EYS: variants seen among roughly 807,000 people sequenced by gnomAD.
EYS encodes EGF-like photoreceptor maintenance factor, also known as protein eyes shut homolog.
A neutral mutation model predicts 282.1 loss-of-function variants in EYS; 250 were observed. The observed-to-expected ratio is 0.89, with a 90% confidence interval of 0.80 to 0.98. The LOEUF (loss-of-function observed/expected upper bound fraction) is 0.98. EYS is among the 50% of genes least tolerant of loss of function. EYS has a pLI of 0.00. For missense variants in EYS, 4,016 were observed against 3,709.0 expected (o/e 1.08, Z -2.15); for synonymous variants, 1,355 against 1,282.9 (o/e 1.06, Z -1.20).
chr6:64,751,720 T>C (rs932182066), intron 22 of EYS, among the ~76,000 whole-genome samples: 5 of 152,160 alleles, frequency 3.3e-5, no homozygotes, highest in African/African-American at 7.2e-5. Flanking sequence ...CACAACCTAA[T>C]AGAAAATCTG....
At chr6:64,710,743 C>T (rs1288595905) in intron 22 of EYS, among the ~76,000 whole-genome samples, 1 of 152,210 alleles carries the variant, frequency 6.6e-6, no homozygotes. Context: ...CTCACTTGCT[C>T]AAAGAGTGCT....
intron 40 of EYS, among the ~76,000 whole-genome samples, chr6:63,768,892 T>C (rs919356358): frequency 6.6e-6 from 1 of 152,132 alleles, no homozygotes; most frequent in East Asian, 1.9e-4. Context: ...TACACAGCCA[T>C]TGAAAAAATG....
intron 12 of EYS, among the ~76,000 whole-genome samples, chr6:65,231,085 G>GTATATATATACTTTTATATATATGTATT (rs1562037843): frequency 1.5e-4 from 14 of 91,528 alleles, no homozygotes; most frequent in African/African-American, 4.1e-4. Flanking sequence ...ATATATATGT[G>GTATATATATACTTTTATATATATGTATT]TATATATATA....
chr6:65,346,363 A>G (rs1183070491), intron 9 of EYS, among the ~76,000 whole-genome samples: 2 of 151,402 alleles, frequency 1.3e-5, no homozygotes, highest in East Asian at 3.9e-4. Flanking sequence ...AAACAAAACT[A>G]TAACATTTTT....
intron 8 of EYS, among the ~76,000 whole-genome samples, chr6:65,370,598 A>G (rs995719472): frequency 1.3e-5 from 2 of 151,476 alleles, no homozygotes; most frequent in Non-Finnish European, 2.9e-5. Context: ...CATAATGCAA[A>G]TTTTTTTTAT....
At chr6:65,523,314 A>G (rs920517266) in intron 2 of EYS, among the ~76,000 whole-genome samples, 12 of 152,192 alleles carry the variant, frequency 7.9e-5, no homozygotes, top group African/African-American at 2.7e-4. Context: ...ACACAAACAT[A>G]GAGAGACAGA....
intron 13 of EYS, among the ~76,000 whole-genome samples, chr6:65,025,795 G>C (rs773725616): frequency 6.6e-6 from 1 of 152,160 alleles, no homozygotes; most frequent in South Asian, 2.1e-4. Context: ...ACAGATGTCT[G>C]TCAGTGAGAG....
At chr6:63,971,976 C>G (rs1226102341) in intron 35 of EYS, among the ~76,000 whole-genome samples, 2 of 152,148 alleles carry the variant, frequency 1.3e-5, no homozygotes, top group Admixed American at 1.3e-4. Flanking sequence ...GTACAGTCTT[C>G]CACTATAGAA....
At chr6:65,483,160 TATA>T (rs1252647074) in intron 5 of EYS, among the ~76,000 whole-genome samples, 3 of 152,126 alleles carry the variant, frequency 2.0e-5, no homozygotes, top group Admixed American at 2.0e-4. Flanking sequence ...ATTTTACTTT[TATA>T]ATGTTTGAAA....
chr6:64,340,219 T>G (rs1325913628), intron 29 of EYS, among the ~76,000 whole-genome samples: 1 of 146,162 alleles, frequency 6.8e-6, no homozygotes, highest in Admixed American at 6.8e-5. Flanking sequence ...AGAAAAAGAG[T>G]ATTCTAAAAT....
At chr6:65,233,620 A>G (rs73441388) in intron 12 of EYS, among the ~76,000 whole-genome samples, 4,951 of 152,208 alleles carry the variant, frequency 0.033, 109 homozygotes, top group African/African-American at 0.057. Flanking sequence ...TCAGTCTCAC[A>G]TTCAACAGAC....
chr6:63,781,707 T>G (rs912564235), intron 39 of EYS, among the ~76,000 whole-genome samples: 2 of 152,218 alleles, frequency 1.3e-5, no homozygotes, highest in African/African-American at 2.4e-5. Context: ...AGGGACAATC[T>G]TACTTCCTCT....
chr6:64,923,440 T>C (rs1768417300), intron 15 of EYS, among the ~76,000 whole-genome samples: 1 of 152,136 alleles, frequency 6.6e-6, no homozygotes, highest in Non-Finnish European at 1.5e-5. Context: ...GATGGGGATA[T>C]AGTCAAACCA....
intron 21 of EYS, among the ~76,000 whole-genome samples, chr6:64,817,084 G>T (rs1764760141): frequency 6.6e-6 from 1 of 151,898 alleles, no homozygotes; most frequent in African/African-American, 2.4e-5. Flanking sequence ...TTATTTTAAA[G>T]ATTTGTTTCT....
At chr6:65,373,809 T>C (rs1765253384) in intron 8 of EYS, among the ~76,000 whole-genome samples, 1 of 152,148 alleles carries the variant, frequency 6.6e-6, no homozygotes, top group Non-Finnish European at 1.5e-5. Context: ...GCATGTTTTA[T>C]ATAATCTTTT....
intron 41 of EYS, among the ~76,000 whole-genome samples, chr6:63,753,920 C>T (rs1444004038): frequency 3.3e-5 from 5 of 152,144 alleles, no homozygotes; most frequent in Non-Finnish European, 5.9e-5. Context: ...CTATCTCCTT[C>T]TCTCATGAGT....
chr6:65,360,713 C>T (rs7755661), intron 8 of EYS, among the ~76,000 whole-genome samples: 102,501 of 152,040 alleles, frequency 0.67, 34,649 homozygotes, highest in South Asian at 0.71. Context: ...TAAAAAGAGA[C>T]AAAAAGTTTA....
chr6:65,541,019 T>C (rs1026615820), intron 2 of EYS, among the ~76,000 whole-genome samples: 5 of 152,202 alleles, frequency 3.3e-5, no homozygotes, highest in African/African-American at 1.2e-4. Context: ...ATTTATTCCT[T>C]CATTTTAGTA....
intron 14 of EYS, among the ~76,000 whole-genome samples, chr6:64,993,873 T>C (rs1771160788): frequency 6.6e-6 from 1 of 151,020 alleles, no homozygotes; most frequent in Non-Finnish European, 1.5e-5. Flanking sequence ...AAGTTAAACC[T>C]GTAGTATACG....
Sources: allele counts gnomAD v4.1 joint callset (sites outside exome capture counted in the v4.1 genomes callset), GRCh38; gene constraint gnomAD v4.1.1; transcripts MANE v1.5; gene names NCBI Gene and HGNC (gene_info 2026-07-23, HGNC 2026-07-21).